BTBD7: variants seen among roughly 807,000 people sequenced by gnomAD.
BTBD7 encodes the protein BTB/POZ domain-containing protein 7.
Under a neutral mutation model 99.9 loss-of-function variants are expected in BTBD7, and 38 were observed. That is an observed-to-expected ratio of 0.38 (90% CI 0.29 to 0.50). The LOEUF is 0.50. Ranked by LOEUF, BTBD7 falls within the 20% of genes least tolerant of loss-of-function variation. The probability of loss-of-function intolerance (pLI) is 0.93; values close to 1 mark genes in which losing one functional copy is unlikely to be tolerated. For synonymous variants in BTBD7, 520 were observed against 511.4 expected (o/e 1.02, Z -0.23); for missense variants, 1,170 against 1,394.6 (o/e 0.84, Z 2.57).
At chr14:93,303,047 T>C (rs977606911) in intron 1 of BTBD7, among the ~76,000 whole-genome samples, 3 of 152,148 alleles carry the variant, frequency 2.0e-5, no homozygotes, top group Admixed American at 2.0e-4. Context: ...CCAAAGGTAT[T>C]GGGTCTTTGT....
At chr14:93,255,274 T>A (rs185163619) in intron 6 of BTBD7, among the ~76,000 whole-genome samples, 5 of 152,130 alleles carry the variant, frequency 3.3e-5, no homozygotes, top group African/African-American at 1.2e-4. Flanking sequence ...GTTTCTCAGG[T>A]AGCTGGGACT....
chr14:93,293,810 A>G, intron 3 of BTBD7, 48 bp downstream of exon 3: 1 of 1,542,922 alleles, frequency 6.5e-7, no homozygotes, highest in Non-Finnish European at 8.7e-7. Context: ...AATTTGGAAG[A>G]TCAATACATA....
In BTBD7 at chr14:93,296,256, TAAC is replaced by T. The variant is rs202136936; in HGVS notation, c.-106-102_-106-100del. The T allele has an allele frequency of 1.8e-3, 1,452 of 824,502 alleles. 20 individuals are homozygous for T. In the African/African-American group the frequency reaches 0.02, roughly 11 times the overall value. The allele number at this position is 824,502 out of a possible 1,614,324, so 51.1% of individuals were successfully genotyped here. The stretch of plus-strand genomic sequence containing the variant: ...ACTGAAAACTGCTTTCATTCACAAA[TAAC>T]AACACGCTGTCAAATTCACATGTCA... On this transcript the variant is annotated intron_variant, in intron 1 of 10. Transcript: ENST00000334746.
At chr14:93,315,100 A>G (rs2053183935) in intron 1 of BTBD7, among the ~76,000 whole-genome samples, 1 of 152,102 alleles carries the variant, frequency 6.6e-6, no homozygotes. Context: ...TACTGCAAAC[A>G]TTTTTACATC....
At chr14:93,246,518 A>T (rs543332698) in intron 9 of BTBD7, among the ~76,000 whole-genome samples, 1 of 152,258 alleles carries the variant, frequency 6.6e-6, no homozygotes, top group Non-Finnish European at 1.5e-5. Context: ...TGCTTGATCG[A>T]ATGCTCCTCA....
At chr14:93,280,180 C>A (rs774414085) in intron 3 of BTBD7, among the ~76,000 whole-genome samples, 1 of 152,208 alleles carries the variant, frequency 6.6e-6, no homozygotes, top group African/African-American at 2.4e-5. Flanking sequence ...AAAATAACAA[C>A]TAATCATGCA....
chr14:93,294,638 A>G lies in BTBD7; in HGVS notation c.382T>C (p.Leu128=). ...TAAAGATCAGCCATATCTTTCTGCAATGTCCGGGCTTCTGGTCTAGCCAAA... is the reference window on the plus strand; with the variant it reads ...TAAAGATCAGCCATATCTTTCTGCAGTGTCCGGGCTTCTGGTCTAGCCAAA... The part of the protein sequence containing the change: ...ASLARPEART[L]QKDMADLYEY... Residue 128 remains leucine (L), a synonymous_variant, in exon 3 of 11, where the codon TTG becomes CTG. Transcript: ENST00000334746. 1.9e-6 allele frequency: 3 copies of G among 1,614,134 alleles called. No homozygotes were observed. Among genetic ancestry groups the G allele is most frequent in the Non-Finnish European group, 2.5e-6 (3 of 1,180,028 alleles).
In BTBD7 at chr14:93,249,047, A is replaced by T. The variant is rs71429787; in HGVS notation, c.1943-393T>A. ...GGACTTGGATATTAGGGTGCACAGA[A>T]TGAAACACGATTCCTCTTCTCAAAA... On this transcript the variant is annotated intron_variant, in intron 8 of 10. Coordinates refer to ENST00000334746, the MANE Select transcript of BTBD7 (RefSeq NM_001002860.4). 5.1e-4 allele frequency among the ~76,000 whole-genome samples: 78 copies of T among 151,936 alleles called. No homozygotes were observed. In the South Asian group the frequency reaches 0.016, roughly 31 times the overall value.
Position 93,302,819 on chromosome 14 carries a change from T to C in BTBD7, c.-106-6662A>G, listed in dbSNP as rs999239463. Among the ~76,000 whole-genome samples, 8 of 152,206 alleles carry C rather than the reference T, an allele frequency of 5.3e-5. No individual in the cohort carries two copies. In the East Asian group the frequency reaches 9.7e-4, roughly 18 times the overall value. ...GAGATCACATCACTGTACTCCGCCC[T>C]GGGTGACAGAGTGAGACTGTCTCAA... On this transcript the variant is annotated intron_variant, in intron 1 of 10. Coordinates refer to ENST00000334746, the MANE Select transcript of BTBD7 (RefSeq NM_001002860.4).
intron 3 of BTBD7, among the ~76,000 whole-genome samples, chr14:93,272,462 C>T: frequency 6.6e-6 from 1 of 152,122 alleles, no homozygotes; most frequent in Middle Eastern, 3.2e-3. Flanking sequence ...ACCAATGTGT[C>T]CTACAGATTT....
intron 3 of BTBD7, among the ~76,000 whole-genome samples, chr14:93,272,136 G>A (rs973093043): frequency 1.3e-5 from 2 of 152,122 alleles, no homozygotes; most frequent in Admixed American, 6.5e-5. Flanking sequence ...GACCAACATG[G>A]TGAAACCCCA....
Position 93,242,831 on chromosome 14 carries a change from G to A in BTBD7, c.2841C>T (p.Asp947=). 6.2e-7 allele frequency: 1 copy of A among 1,614,174 alleles called. No individual in the cohort carries two copies. The highest frequency in any genetic ancestry group is 8.5e-7 in the Non-Finnish European group (1 of 1,180,040). ...AAGGTCTGCAAGCAGCATTTGAGAA[G>A]TCATAGAAATCCGGATATTCCTGTG... ...ENPQEYPDFY[D]FSNAACRPST... Residue 947 remains aspartate (D), a synonymous_variant, in exon 11 of 11, where the codon GAC becomes GAT. Transcript: ENST00000334746.
intron 1 of BTBD7, among the ~76,000 whole-genome samples, chr14:93,300,775 TATATATA>T (rs1372946779): frequency 2.8e-5 from 2 of 71,004 alleles, no homozygotes. Context: ...TGTGTGTGTA[TATATATA>T]TATATTTTTT....
intron 1 of BTBD7, among the ~76,000 whole-genome samples, chr14:93,308,892 G>A (rs1339976686): frequency 6.6e-6 from 1 of 152,188 alleles, no homozygotes; most frequent in African/African-American, 2.4e-5. Flanking sequence ...AAATGAGAAA[G>A]TTCTGGAGAT....
At chr14:93,272,760 C>T (rs75006608) in intron 3 of BTBD7, among the ~76,000 whole-genome samples, 1 of 152,156 alleles carries the variant, frequency 6.6e-6, no homozygotes, top group Admixed American at 6.5e-5. Context: ...AGTCAACCTG[C>T]GCCTCAGTGT....
chr14:93,308,797 C>G (rs1265998986), intron 1 of BTBD7, among the ~76,000 whole-genome samples: 1 of 152,116 alleles, frequency 6.6e-6, no homozygotes, highest in Non-Finnish European at 1.5e-5. Flanking sequence ...TTAGAGTAAT[C>G]AAATTCATAG....
chr14:93,304,412 C>T (rs778354088), intron 1 of BTBD7, among the ~76,000 whole-genome samples: 13 of 152,286 alleles, frequency 8.5e-5, no homozygotes, highest in South Asian at 2.1e-4. Context: ...AGTGCAGTGG[C>T]GCAATCTTGG....
Position 93,326,870 on chromosome 14 carries a change from A to G in BTBD7, c.-107+5950T>C, listed in dbSNP as rs554906676. Among the ~76,000 whole-genome samples the G allele has an allele frequency of 3.9e-5, 6 of 152,284 alleles. No individual in the cohort carries two copies. The South Asian group carries it at 1.0e-3, about 26-fold the overall frequency. On this transcript the variant is annotated intron_variant, in intron 1 of 10. Coordinates refer to ENST00000334746, the MANE Select transcript of BTBD7 (RefSeq NM_001002860.4). ...AATAATGATACTATACCTGTTTTAG[A>G]AAAAGTCACTTGCCTAATTCTTCTA...
intron 1 of BTBD7, among the ~76,000 whole-genome samples, chr14:93,300,260 T>TTC (rs2052979127): frequency 7.0e-6 from 1 of 143,248 alleles, no homozygotes; most frequent in African/African-American, 2.8e-5. Context: ...CTTTGTTCTT[T>TTC]TTTTTTTTTT....
Sources: allele counts gnomAD v4.1 joint callset (sites outside exome capture counted in the v4.1 genomes callset), GRCh38; gene constraint gnomAD v4.1.1; transcripts MANE v1.5; gene names NCBI Gene and HGNC (gene_info 2026-07-23, HGNC 2026-07-21).